TGM6: variants seen among roughly 807,000 people sequenced by gnomAD.
TGM6 encodes the protein transglutaminase 6, also known as protein-glutamine gamma-glutamyltransferase 6.
In TGM6, 74 loss-of-function variants were observed where a neutral mutation model predicts 77.5. The observed-to-expected ratio is 0.96, with a 90% CI of 0.79 to 1.16. The LOEUF (loss-of-function observed/expected upper bound fraction) is 1.16, where lower values mean the gene tolerates loss of function less well. TGM6 is among the 50% of genes most tolerant of loss of function. The pLI is 0.00. For missense variants in TGM6, 968 were observed against 940.2 expected (o/e 1.03, Z -0.39); for synonymous variants, 383 against 378.9 (o/e 1.01, Z -0.12).
rs2084917420 is a variant in TGM6, at chr20:2,430,553, C to T, written c.1786C>T (p.Leu596Phe). Residue 596 changes from leucine (L) to phenylalanine (F), a missense_variant, in exon 11 of 13, where the codon CTT (leucine) becomes TTT (phenylalanine). Transcript: ENST00000202625. Reference sequence around the variant, plus strand: ...GTGCCTTGTCACCAAAGGAGAGAAGCTTCTGGTGGAGAAGGACATTACTCT... The same window carrying T: ...GTGCCTTGTCACCAAAGGAGAGAAGTTTCTGGTGGAGAAGGACATTACTCT... ...AMCLVTKGEK[L>F]LVEKDITLED... 6.2e-7 allele frequency: 1 copy of T among 1,614,204 alleles called. No individual in the cohort carries two copies. Among genetic ancestry groups the T allele is most frequent in the East Asian group, 2.2e-5 (1 of 44,884 alleles).
intron 10 of TGM6, 66 bp downstream of exon 10, chr20:2,417,639 T>C (rs1199249546): frequency 6.7e-7 from 1 of 1,503,514 alleles, no homozygotes; most frequent in Non-Finnish European, 9.0e-7. Flanking sequence ...GTTGTGGAGG[T>C]CAGAGGGATT....
chr20:2,415,398 T>C (rs1259645060), intron 9 of TGM6, among the ~76,000 whole-genome samples: 2 of 152,144 alleles, frequency 1.3e-5, no homozygotes, highest in Admixed American at 6.5e-5. Flanking sequence ...AGAACTGGAA[T>C]GGGATGGATC....
intron 10 of TGM6, among the ~76,000 whole-genome samples, chr20:2,428,197 C>T (rs755902754): frequency 2.0e-5 from 3 of 152,148 alleles, no homozygotes; most frequent in Admixed American, 1.3e-4. Flanking sequence ...GAGAAGAATG[C>T]GTATCCTGCT....
rs1442970932 is a variant in TGM6 at position 2,432,650 on chromosome 20, A to G, written c.*7A>G. The G allele has an allele frequency of 6.2e-7, 1 of 1,614,052 alleles. No homozygotes were observed. Among genetic ancestry groups the G allele is most frequent in the Non-Finnish European group, 8.5e-7 (1 of 1,179,978 alleles). ...TGTGGCCACTGCCAAGTGATGGATC[A>G]TGAGGGACTGAGAGGGGTGGATTTG... is the stretch of plus-strand genomic sequence containing the variant. On this transcript the variant is annotated 3_prime_UTR_variant, in exon 13 of 13. Transcript: ENST00000202625.
rs1402380536 is a variant in TGM6, at chr20:2,394,442, C to T, written c.8-10C>T. The T allele has an allele frequency of 6.2e-7, 1 of 1,611,072 alleles. No homozygotes were observed. The highest frequency in any genetic ancestry group is 1.3e-5 in the African/African-American group (1 of 74,860). ...CCGTGGCCTCATCTCCCTGTCCTCT[C>T]CCCACCCAGGGATCAGAGTCACCAA... On this transcript the variant is annotated splice_polypyrimidine_tract_variant and intron_variant, in intron 1 of 12. Coordinates refer to ENST00000202625, the MANE Select transcript of TGM6 (RefSeq NM_198994.3).
At chr20:2,428,909 C>T (rs1452017164) in intron 10 of TGM6, among the ~76,000 whole-genome samples, 3 of 152,100 alleles carry the variant, frequency 2.0e-5, no homozygotes, top group South Asian at 2.1e-4. Flanking sequence ...CTGCAACCTC[C>T]GCCTGCTAGG....
chr20:2,406,691 C>T (rs6106641), intron 9 of TGM6, among the ~76,000 whole-genome samples: 1 of 151,412 alleles, frequency 6.6e-6, no homozygotes. Context: ...CAAAATTAGC[C>T]AGGCATGGTG....
chr20:2,429,948 C>A (rs1431563643), intron 10 of TGM6, among the ~76,000 whole-genome samples: 1 of 152,120 alleles, frequency 6.6e-6, no homozygotes, highest in Non-Finnish European at 1.5e-5. Context: ...TGGGGCTGAC[C>A]AGGACTGGGC....
At chr20:2,397,254 C>T (rs1751496320) in intron 4 of TGM6, among the ~76,000 whole-genome samples, 1 of 152,182 alleles carries the variant, frequency 6.6e-6, no homozygotes, top group South Asian at 2.1e-4. Context: ...GCAGGCAGAG[C>T]CGCACGGACG....
chr20:2,389,688 T>G (rs903340238), intron 1 of TGM6, among the ~76,000 whole-genome samples: 7 of 152,170 alleles, frequency 4.6e-5, no homozygotes, highest in Non-Finnish European at 8.8e-5. Context: ...GGAAATCAAT[T>G]TTTCACTAAA....
chr20:2,396,953 C>A (rs2084673542), intron 4 of TGM6, among the ~76,000 whole-genome samples: 1 of 152,200 alleles, frequency 6.6e-6, no homozygotes. Context: ...ACCCCCAGAG[C>A]TGCCGACTGA....
At chr20:2,426,272 GTAT>G (rs2084887158) in intron 10 of TGM6, among the ~76,000 whole-genome samples, 1 of 151,930 alleles carries the variant, frequency 6.6e-6, no homozygotes, top group Non-Finnish European at 1.5e-5. Context: ...AACATAAGTG[GTAT>G]TATGTTTTTA....
rs749448196 is a variant in TGM6 at position 2,430,876 on chromosome 20, G to A, written c.1834-18G>A. On this transcript the variant is annotated intron_variant, in intron 11 of 12. Coordinates refer to ENST00000202625, the MANE Select transcript of TGM6 (RefSeq NM_198994.3). ...AGGAGGGGTAGGCGCGATGGCTCATGGGTGTTGTCCCCTTCAGGTTCTGGG... is the reference window on the plus strand; with the variant it reads ...AGGAGGGGTAGGCGCGATGGCTCATAGGTGTTGTCCCCTTCAGGTTCTGGG... The A allele has an allele frequency of 1.2e-6, 2 of 1,614,032 alleles. No individual in the cohort carries two copies. The highest frequency in any genetic ancestry group is 2.2e-5 in the East Asian group (1 of 44,884).
intron 9 of TGM6, among the ~76,000 whole-genome samples, chr20:2,407,969 A>G (rs1191552367): frequency 6.6e-6 from 1 of 152,230 alleles, no homozygotes; most frequent in Non-Finnish European, 1.5e-5. Context: ...CAGAGGCTAA[A>G]GGAACAAAGA....
At chr20:2,410,661 C>T (rs553091653) in intron 9 of TGM6, among the ~76,000 whole-genome samples, 1 of 152,160 alleles carries the variant, frequency 6.6e-6, no homozygotes, top group African/African-American at 2.4e-5. Flanking sequence ...GAGTCTGATG[C>T]TAACTCCAGG....
chr20:2,426,209 C>T (rs1199846138), intron 10 of TGM6, among the ~76,000 whole-genome samples: 1 of 151,938 alleles, frequency 6.6e-6, no homozygotes, highest in African/African-American at 2.4e-5. Context: ...TTGTGTAGAT[C>T]TTGTACATAT....
At chr20:2,384,576 G>A (rs764912925) in intron 1 of TGM6, among the ~76,000 whole-genome samples, 1 of 152,124 alleles carries the variant, frequency 6.6e-6, no homozygotes, top group Admixed American at 6.5e-5. Context: ...TCCTCCCAAC[G>A]TGAGGAAGCG....
Position 2,399,881 on chromosome 20 carries a change from G to T in TGM6, c.850+143G>T, listed in dbSNP as rs150383621. 6.1e-4 allele frequency: 464 copies of T among 763,314 alleles called. 3 individuals carry two copies. Among genetic ancestry groups the T allele is most frequent in the African/African-American group, 5.5e-3 (309 of 56,402 alleles). The allele number at this position is 763,314 out of a possible 1,614,324, so 47.3% of individuals were successfully genotyped here. On this transcript the variant is annotated intron_variant, in intron 6 of 12. Transcript: ENST00000202625. ...GAGAACGAAGTCTGGCTGATGAAGA[G>T]AGAAGCCAGAGAATTTATTTCCTTC...
rs1317142452 is a variant in TGM6 at position 2,396,958 on chromosome 20, G to A, written c.543+334G>A. Among the ~76,000 whole-genome samples, 5 of 152,156 alleles carry A rather than the reference G, an allele frequency of 3.3e-5. No homozygotes were observed. In the East Asian group the frequency reaches 5.8e-4, roughly 18 times the overall value. The stretch of plus-strand genomic sequence containing the variant: ...GCTGGACCCCACCCCCAGAGCTGCC[G>A]ACTGAGTAGGTCTTGGGCAGGGCCT... On this transcript the variant is annotated intron_variant, in intron 4 of 12. Transcript: ENST00000202625.
Sources: gnomAD v4.1 joint callset for allele counts (sites outside exome capture counted in the v4.1 genomes callset) on GRCh38, gnomAD v4.1.1 for gene constraint, MANE v1.5 for transcripts, NCBI Gene and HGNC (gene_info 2026-07-23, HGNC 2026-07-21) for gene names.